The following KDM4C variants were observed in gnomAD, a reference collection of about 807,000 sequenced individuals.
KDM4C encodes the protein lysine-specific demethylase 4C.
A neutral mutation model predicts 129.3 loss-of-function variants in KDM4C; 81 were observed. The observed-to-expected ratio is 0.63, with a 90% CI of 0.52 to 0.75. The LOEUF (loss-of-function observed/expected upper bound fraction) is 0.75, where lower values mean the gene tolerates loss of function less well. Among genes scored for constraint, KDM4C ranks in the 30% least tolerant of loss-of-function variants. The probability of loss-of-function intolerance (pLI) is 0.00; values close to 1 mark genes in which losing one functional copy is unlikely to be tolerated. For missense variants in KDM4C, 1,457 were observed against 1,304.0 expected, an observed-to-expected ratio of 1.12 and a Z score of -1.81; for synonymous variants, 573 against 456.1, an observed-to-expected ratio of 1.26 and a Z score of -3.26.
chr9:7,127,999 T>A, intron 18 of KDM4C, 67 bp from the exon 19 acceptor site: 1 of 1,257,494 alleles, frequency 8.0e-7, no homozygotes, highest in Non-Finnish European at 1.0e-6. Flanking sequence ...GAATATTTTT[T>A]ATTTTACGTC....
chr9:6,721,750 G>A (rs1286970130), intron 1 of KDM4C, among the ~76,000 whole-genome samples: 2 of 151,652 alleles, frequency 1.3e-5, no homozygotes, highest in Non-Finnish European at 2.9e-5. Context: ...CGCCACGCCC[G>A]GCTAATTTTT....
At chr9:6,868,684 C>T (rs557462027) in intron 5 of KDM4C, among the ~76,000 whole-genome samples, 1 of 151,778 alleles carries the variant, frequency 6.6e-6, no homozygotes, top group Non-Finnish European at 1.5e-5. Flanking sequence ...AGTACAGACA[C>T]GACCGTTTCC....
At chr9:6,800,808 T>A (rs1388990607) in intron 2 of KDM4C, among the ~76,000 whole-genome samples, 1 of 152,056 alleles carries the variant, frequency 6.6e-6, no homozygotes, top group Non-Finnish European at 1.5e-5. Flanking sequence ...TGTATTTTTT[T>A]GTAGAGCTGA....
chr9:6,730,573 C>T (rs1817290504), intron 1 of KDM4C, among the ~76,000 whole-genome samples: 1 of 151,318 alleles, frequency 6.6e-6, no homozygotes, highest in Non-Finnish European at 1.5e-5. Context: ...CGAGATCGTG[C>T]CACTGCACTC....
In KDM4C at chr9:6,758,678, C is replaced by G. The variant is rs1180353479; in HGVS notation, c.-18+475C>G. Among the ~76,000 whole-genome samples, 1 of 152,250 alleles carries G rather than the reference C, an allele frequency of 6.6e-6. No individual in the cohort carries two copies. Among genetic ancestry groups the G allele is most frequent in the Admixed American group, 6.5e-5 (1 of 15,292 alleles). ...CTCCTGACCACCCGTTGCAGGCAGT[C>G]ATCCCGTCATTCGGGGTCGTCTTCA... On this transcript the variant is annotated intron_variant, in intron 1 of 21. Coordinates refer to ENST00000381309, the MANE Select transcript of KDM4C (RefSeq NM_015061.6). The surrounding 1 kb of genome is among the most constrained non-coding windows in gnomAD (Gnocchi z 4.6).
intron 8 of KDM4C, among the ~76,000 whole-genome samples, chr9:6,909,568 A>G (rs534797328): frequency 1.3e-5 from 2 of 152,318 alleles, no homozygotes; most frequent in South Asian, 4.1e-4. Context: ...CTTGTATTAA[A>G]TGCTGTGTCC....
chr9:6,840,554 G>A (rs1223193777), intron 4 of KDM4C, among the ~76,000 whole-genome samples: 8 of 151,928 alleles, frequency 5.3e-5, no homozygotes, highest in South Asian at 2.1e-4. Context: ...CTGCCACCAC[G>A]CCTGGCTAAT....
chr9:6,920,865 C>T (rs999300111), intron 8 of KDM4C, among the ~76,000 whole-genome samples: 4 of 152,034 alleles, frequency 2.6e-5, no homozygotes, highest in African/African-American at 9.7e-5. Context: ...GTCAGAGAGG[C>T]CTTGAGGTTT....
At chr9:7,121,580 T>G (rs373490426) in intron 18 of KDM4C, among the ~76,000 whole-genome samples, 3 of 152,162 alleles carry the variant, frequency 2.0e-5, no homozygotes, top group African/African-American at 4.8e-5. Context: ...GGAGTGAAGA[T>G]TTTTGGGCAG....
chr9:6,883,467 C>T (rs932853215), intron 6 of KDM4C, among the ~76,000 whole-genome samples: 7 of 152,040 alleles, frequency 4.6e-5, no homozygotes, highest in Admixed American at 1.3e-4. Context: ...AGTGAAGAAA[C>T]GGTTGGTAAA....
intron 17 of KDM4C, among the ~76,000 whole-genome samples, chr9:7,079,257 A>C (rs1318870437): frequency 6.6e-6 from 1 of 152,248 alleles, no homozygotes; most frequent in East Asian, 1.9e-4. Context: ...GCCAAAGGCC[A>C]AAATGAGTTT....
At chr9:7,060,792 C>T (rs914000151) in intron 17 of KDM4C, among the ~76,000 whole-genome samples, 1 of 150,986 alleles carries the variant, frequency 6.6e-6, no homozygotes, top group African/African-American at 2.4e-5. Flanking sequence ...GATTTTATTT[C>T]TTAAAGGAGT....
chr9:7,081,826 G>A (rs1834554245), intron 17 of KDM4C, among the ~76,000 whole-genome samples: 2 of 152,146 alleles, frequency 1.3e-5, no homozygotes, highest in Admixed American at 6.5e-5. Context: ...AGATAGACCA[G>A]GTGCTGGTAC....
At chr9:6,979,475 G>C (rs920850308) in intron 8 of KDM4C, among the ~76,000 whole-genome samples, 2 of 152,130 alleles carry the variant, frequency 1.3e-5, no homozygotes, top group East Asian at 1.9e-4. Flanking sequence ...GGGTTGAAGA[G>C]GAATATACAT....
intron 5 of KDM4C, among the ~76,000 whole-genome samples, chr9:6,863,714 G>A (rs1215811956): frequency 6.7e-6 from 1 of 150,074 alleles, no homozygotes; most frequent in Non-Finnish European, 1.5e-5. Context: ...AGAATGGCGT[G>A]AACCTGGGAG....
intron 8 of KDM4C, chr9:6,942,461 A>G (rs1171913223): frequency 6.7e-6 from 1 of 149,360 alleles, no homozygotes; most frequent in African/African-American, 2.5e-5. Flanking sequence ...TCTTTCCAGT[A>G]CTGTGTTGAC....
chr9:7,066,055 T>A (rs1284733205), intron 17 of KDM4C, among the ~76,000 whole-genome samples: 1 of 152,164 alleles, frequency 6.6e-6, no homozygotes, highest in African/African-American at 2.4e-5. Flanking sequence ...ACAAAGCATA[T>A]ATTTGAAATA....
intron 19 of KDM4C, among the ~76,000 whole-genome samples, chr9:7,149,281 A>G (rs1478961598): frequency 1.3e-5 from 2 of 152,244 alleles, no homozygotes; most frequent in Non-Finnish European, 2.9e-5. Flanking sequence ...GGGCTCAGCT[A>G]TCAAGACACG....
In KDM4C at chr9:6,800,802, T is replaced by G. The variant is rs182807852; in HGVS notation, c.145-4797T>G. ...CCACCACACCTGGCTAATTTTTGTA[T>G]TTTTTTGTAGAGCTGAGCTTTCGCC... On this transcript the variant is annotated intron_variant, in intron 2 of 21. Transcript: ENST00000381309. Among the ~76,000 whole-genome samples, 1,415 of 152,108 alleles carry G rather than the reference T, an allele frequency of 9.3e-3. 18 individuals carry two copies. The highest frequency in any genetic ancestry group is 0.065 in the Middle Eastern group (19 of 294).
Sources: allele counts gnomAD v4.1 joint callset (sites outside exome capture counted in the v4.1 genomes callset), GRCh38; gene constraint gnomAD v4.1.1; non-coding constraint Gnocchi (gnomAD v3.1); transcripts MANE v1.5; gene names NCBI Gene and HGNC (gene_info 2026-07-23, HGNC 2026-07-21).